ZNF469: variants seen among roughly 807,000 people sequenced by gnomAD.
The protein encoded by ZNF469 is zinc finger protein 469.
Under a neutral mutation model 1.0 loss-of-function variants are expected in ZNF469, and 1 was observed. The observed-to-expected ratio is 1.00, with a 90% CI of 0.35 to 4.73. ZNF469 has a LOEUF of 4.73. Among genes scored for constraint, ZNF469 ranks in the 30% most tolerant of loss-of-function variants. The pLI is 0.16. For missense variants in ZNF469, 6,100 were observed against 5,356.3 expected, an observed-to-expected ratio of 1.14 and a Z score of -4.33; for synonymous variants, 2,703 against 2,363.4, an observed-to-expected ratio of 1.14 and a Z score of -4.17.
At chr16:88,320,236 T>G in the ZNF469 span, among the ~76,000 whole-genome samples, 1 of 152,242 alleles carries the variant, frequency 6.6e-6, no homozygotes, top group African/African-American at 2.4e-5. Flanking sequence ...CTCGGGGTTT[T>G]AAATGTCATC....
chr16:88,203,773 A>C, the ZNF469 span, among the ~76,000 whole-genome samples: 1 of 151,644 alleles, frequency 6.6e-6, no homozygotes, highest in African/African-American at 2.4e-5. Flanking sequence ...TCGCTTTATA[A>C]AGACACTGGT....
the ZNF469 span, among the ~76,000 whole-genome samples, chr16:88,370,253 T>C: frequency 9.2e-5 from 14 of 152,236 alleles, no homozygotes; most frequent in African/African-American, 3.4e-4. Context: ...TTTCAGCATC[T>C]TCTGGTGAGA....
the ZNF469 span, among the ~76,000 whole-genome samples, chr16:88,221,697 C>T: frequency 6.6e-6 from 1 of 152,226 alleles, no homozygotes; most frequent in Non-Finnish European, 1.5e-5. Context: ...CTTCAAACAA[C>T]AGAAATGCAT....
At chr16:88,184,518 TGA>T in the ZNF469 span, among the ~76,000 whole-genome samples, 1 of 152,008 alleles carries the variant, frequency 6.6e-6, no homozygotes, top group South Asian at 2.1e-4. Flanking sequence ...TTCTCACTAC[TGA>T]GAGGCAGTTT....
chr16:88,184,239 G>T, the ZNF469 span, among the ~76,000 whole-genome samples: 1 of 152,102 alleles, frequency 6.6e-6, no homozygotes, highest in African/African-American at 2.4e-5. Context: ...ACCACAGGCC[G>T]AATTCCGGGG....
At chr16:88,333,719 C>G in the ZNF469 span, among the ~76,000 whole-genome samples, 1 of 152,074 alleles carries the variant, frequency 6.6e-6, no homozygotes, top group Non-Finnish European at 1.5e-5. Context: ...ATTCTTCCCA[C>G]GGATGCGGGC....
chr16:88,405,379 G>A lies in ZNF469; in HGVS notation c.-191-19428G>A, dbSNP rs376876145. Among the ~76,000 whole-genome samples, 168 of 152,314 alleles carry A rather than the reference G, an allele frequency of 1.1e-3. 6 individuals carry two copies. In the South Asian group the frequency reaches 0.034, roughly 31 times the overall value. On this transcript the variant is annotated intron_variant, in intron 1 of 2. Coordinates refer to ENST00000565624, the MANE Select transcript of ZNF469 (RefSeq NM_001367624.2). Reference sequence around the variant, plus strand: ...CCAAGCTTCTGTTGGAAACCAGAGGGGAGTGGCCACATGGGCCCGTGGTGC... The same window carrying A: ...CCAAGCTTCTGTTGGAAACCAGAGGAGAGTGGCCACATGGGCCCGTGGTGC...
intron 1 of ZNF469, among the ~76,000 whole-genome samples, chr16:88,400,146 C>G (rs1346118104): frequency 1.3e-5 from 2 of 152,236 alleles, no homozygotes; most frequent in African/African-American, 4.8e-5. Flanking sequence ...AGGCGCAGAG[C>G]CAATGGCCTT....
the ZNF469 span, among the ~76,000 whole-genome samples, chr16:88,284,604 C>T: frequency 8.8e-6 from 1 of 113,332 alleles, no homozygotes; most frequent in Non-Finnish European, 1.8e-5. Flanking sequence ...GAGGGAGATC[C>T]CATCTCAAAA....
chr16:88,188,888 CCTT>C, the ZNF469 span, among the ~76,000 whole-genome samples: 3 of 152,088 alleles, frequency 2.0e-5, no homozygotes, highest in African/African-American at 7.2e-5. Flanking sequence ...ATGCACCACT[CCTT>C]CTGCATTTGT....
intron 1 of ZNF469, among the ~76,000 whole-genome samples, chr16:88,421,517 G>A (rs769438578): frequency 1.3e-5 from 2 of 152,172 alleles, no homozygotes; most frequent in Admixed American, 6.5e-5. Flanking sequence ...ACTGGGACGC[G>A]TCCCCGAGCC....
the ZNF469 span, among the ~76,000 whole-genome samples, chr16:88,142,721 T>C: frequency 6.6e-6 from 1 of 152,274 alleles, no homozygotes; most frequent in East Asian, 1.9e-4. Flanking sequence ...TTGGGGAGGC[T>C]CATCAGCTCA....
In ZNF469 at chr16:88,428,135, G is replaced by C; in HGVS notation, c.665G>C (p.Gly222Ala). 1.3e-6 allele frequency: 2 copies of C among 1,550,084 alleles called. No individual in the cohort carries two copies. The highest frequency in any genetic ancestry group is 1.7e-6 in the Non-Finnish European group (2 of 1,146,894). The change falls in exon 3 of 3, where the codon GGT becomes GCT. Residue 222 changes from glycine (G) to alanine (A), a missense_variant. Coordinates refer to ENST00000565624, the MANE Select transcript of ZNF469 (RefSeq NM_001367624.2). ...AGGGGCACCAGCCCCCTCCAGCCCG[G>C]TTCCTATCCCGAATACCAGGCCAGT... is the stretch of plus-strand genomic sequence containing the variant. ...QSRGTSPLQP[G>A]SYPEYQASGA...
chr16:88,131,933 C>T, the ZNF469 span, among the ~76,000 whole-genome samples: 9 of 152,250 alleles, frequency 5.9e-5, no homozygotes, highest in Admixed American at 1.3e-4. Context: ...TGCTGCCTTG[C>T]CAGCCTCTAA....
At chr16:88,403,854 A>G (rs990938878) in intron 1 of ZNF469, among the ~76,000 whole-genome samples, 1 of 151,558 alleles carries the variant, frequency 6.6e-6, no homozygotes, top group Non-Finnish European at 1.5e-5. Flanking sequence ...CCTCAGTCCC[A>G]GGACACTCCT....
rs757512156 is a variant in ZNF469 at position 88,438,214 on chromosome 16, G to A, written c.10744G>A (p.Ala3582Thr). ...DGALERPENE[A>T]SPGSPGPLLQ... ...AGCCCTGGAGAGGCCAGAGAACGAG[G>A]CTTCCCCAGGCAGCCCCGGGCCTCT... The change falls in exon 3 of 3, where the codon GCT (alanine) becomes ACT (threonine). Residue 3582 changes from alanine to threonine, a missense_variant. Ala to Thr is a moderately conservative substitution (Grantham distance 58). Transcript: ENST00000565624. 2 of 1,546,906 alleles carry A rather than the reference G, an allele frequency of 1.3e-6. No homozygotes were observed. Among genetic ancestry groups the A allele is most frequent in the Non-Finnish European group, 8.7e-7 (1 of 1,144,568 alleles).
chr16:88,101,707 G>A, the ZNF469 span, among the ~76,000 whole-genome samples: 1 of 152,078 alleles, frequency 6.6e-6, no homozygotes, highest in Non-Finnish European at 1.5e-5. Flanking sequence ...TAAGAACTAG[G>A]CTCTCCTCAA....
Position 88,437,826 on chromosome 16 carries a change from C to G in ZNF469, c.10356C>G (p.Gly3452=). The G allele has an allele frequency of 6.5e-7, 1 of 1,541,558 alleles. No individual in the cohort carries two copies. The highest frequency in any genetic ancestry group is 8.8e-7 in the Non-Finnish European group (1 of 1,140,452). Residue 3452 remains glycine, a synonymous_variant, in exon 3 of 3, where the codon GGC becomes GGG. Transcript: ENST00000565624. ...RGGRQPFAFR[G]VRRPGAPGQK... is the part of the protein sequence containing the mutation. Reference sequence around the variant, plus strand: ...GGCGGCAGCCCTTCGCGTTCCGCGGCGTGCGGAGGCCGGGAGCGCCGGGAC... The same window carrying G: ...GGCGGCAGCCCTTCGCGTTCCGCGGGGTGCGGAGGCCGGGAGCGCCGGGAC...
chr16:88,396,702 AGATGGAAACCCTCCTGAAGGGAGGCCG>A (rs1904680347), intron 1 of ZNF469, among the ~76,000 whole-genome samples: 1 of 104,688 alleles, frequency 9.6e-6, no homozygotes, highest in African/African-American at 4.2e-5. Flanking sequence ...AAGGGAGGCC[AGATGGAAACCCTCCTGAAGGGAGGCCG>A]GGAGGAGACC....
Sources: allele counts gnomAD v4.1 joint callset (sites outside exome capture counted in the v4.1 genomes callset), GRCh38; gene constraint gnomAD v4.1.1; transcripts MANE v1.5; gene names NCBI Gene and HGNC (gene_info 2026-07-23, HGNC 2026-07-21).